The following GPC5 variants were observed in gnomAD, a reference collection of about 807,000 sequenced individuals.
The protein encoded by GPC5 is glypican 5, also known as glypican-5.
GPC5 carries 47 observed loss-of-function variants against 53.9 expected under a neutral mutation model. The observed-to-expected ratio is 0.87, with a 90% CI of 0.69 to 1.11. GPC5 has a LOEUF of 1.11. Ranked by LOEUF, GPC5 falls within the 50% of genes most tolerant of loss-of-function variation. The pLI, the probability that GPC5 is intolerant of heterozygous loss-of-function variation, is 0.00. For synonymous variants in GPC5, 286 were observed against 263.3 expected (o/e 1.09, Z -0.84); for missense variants, 748 against 713.1 (o/e 1.05, Z -0.56).
At chr13:92,192,577 T>C (rs139565201) in intron 7 of GPC5, among the ~76,000 whole-genome samples, 2 of 152,324 alleles carry the variant, frequency 1.3e-5, no homozygotes, top group African/African-American at 4.8e-5. Context: ...TTATTTTTAA[T>C]TCTAAATGTG....
At chr13:91,864,443 T>C (rs1490766820) in intron 5 of GPC5, among the ~76,000 whole-genome samples, 1 of 152,174 alleles carries the variant, frequency 6.6e-6, no homozygotes, top group Non-Finnish European at 1.5e-5. Flanking sequence ...TGGAATCTAT[T>C]GTGTGCTTTA....
At chr13:91,897,700 A>T (rs2039457660) in intron 5 of GPC5, among the ~76,000 whole-genome samples, 1 of 152,198 alleles carries the variant, frequency 6.6e-6, no homozygotes, top group Non-Finnish European at 1.5e-5. Flanking sequence ...AAAGGAAAAA[A>T]ATTCCATTAA....
chr13:92,626,700 G>T (rs1885057398), intron 7 of GPC5, among the ~76,000 whole-genome samples: 1 of 152,110 alleles, frequency 6.6e-6, no homozygotes, highest in Non-Finnish European at 1.5e-5. Flanking sequence ...TAGAAGTTCT[G>T]TCATGTAATT....
At chr13:92,334,010 A>T (rs968081171) in intron 7 of GPC5, among the ~76,000 whole-genome samples, 4 of 152,216 alleles carry the variant, frequency 2.6e-5, no homozygotes, top group Non-Finnish European at 5.9e-5. Flanking sequence ...AGAAATGGAG[A>T]ACATTAAGCA....
chr13:92,044,100 G>A (rs1594741137), intron 6 of GPC5, among the ~76,000 whole-genome samples: 1 of 150,802 alleles, frequency 6.6e-6, no homozygotes, highest in African/African-American at 2.5e-5. Flanking sequence ...AAGCTCCCCA[G>A]GTCCTGGCGT....
intron 2 of GPC5, among the ~76,000 whole-genome samples, chr13:91,585,278 C>A (rs1720609638): frequency 6.6e-6 from 1 of 152,152 alleles, no homozygotes; most frequent in African/African-American, 2.4e-5. Context: ...ACCCAGCAAT[C>A]CCACTTCTGT....
intron 7 of GPC5, among the ~76,000 whole-genome samples, chr13:92,817,589 G>T (rs572643234): frequency 1.3e-5 from 2 of 151,880 alleles, no homozygotes; most frequent in African/African-American, 4.9e-5. Context: ...AAATTAATCA[G>T]AATTATTATC....
intron 7 of GPC5, among the ~76,000 whole-genome samples, chr13:92,417,238 A>G (rs925663898): frequency 2.0e-5 from 3 of 152,258 alleles, no homozygotes; most frequent in Non-Finnish European, 2.9e-5. Context: ...CAGATGACCA[A>G]TAAACACATG....
At chr13:92,123,849 A>C (rs1456203297) in intron 6 of GPC5, among the ~76,000 whole-genome samples, 1 of 152,192 alleles carries the variant, frequency 6.6e-6, no homozygotes, top group Non-Finnish European at 1.5e-5. Context: ...ATATATTCTT[A>C]ATTTTGTATT....
intron 7 of GPC5, among the ~76,000 whole-genome samples, chr13:92,307,315 A>G (rs1217751273): frequency 2.6e-5 from 4 of 152,194 alleles, no homozygotes; most frequent in African/African-American, 7.2e-5. Context: ...TTAGCTGGGC[A>G]TGGTAGCAGG....
chr13:92,666,938 G>T (rs938366072), intron 7 of GPC5, among the ~76,000 whole-genome samples: 12 of 152,002 alleles, frequency 7.9e-5, no homozygotes, highest in African/African-American at 2.7e-4. Flanking sequence ...ACTCCTTCTC[G>T]GCATTTGGTT....
At chr13:91,594,751 T>G (rs2032927762) in intron 2 of GPC5, among the ~76,000 whole-genome samples, 1 of 152,124 alleles carries the variant, frequency 6.6e-6, no homozygotes, top group Non-Finnish European at 1.5e-5. Flanking sequence ...TGATCACACC[T>G]CACTGCAGCC....
At chr13:92,765,599 T>A (rs532762506) in intron 7 of GPC5, among the ~76,000 whole-genome samples, 328 of 152,298 alleles carry the variant, frequency 2.2e-3, no homozygotes, top group African/African-American at 7.4e-3. Flanking sequence ...GTTCTCAGCA[T>A]GTGCTGCCAG....
At chr13:91,816,506 T>C (rs1372282633) in intron 5 of GPC5, among the ~76,000 whole-genome samples, 1 of 152,178 alleles carries the variant, frequency 6.6e-6, no homozygotes, top group Non-Finnish European at 1.5e-5. Flanking sequence ...TCACCCAGCA[T>C]TGAAATCAAG....
At chr13:92,496,964 G>A (rs1433969649) in intron 7 of GPC5, among the ~76,000 whole-genome samples, 1 of 151,960 alleles carries the variant, frequency 6.6e-6, no homozygotes, top group Non-Finnish European at 1.5e-5. Flanking sequence ...GAGTGAAAGA[G>A]CATTAAAAAG....
At chr13:92,541,600 T>G (rs1282682021) in intron 7 of GPC5, among the ~76,000 whole-genome samples, 1 of 151,870 alleles carries the variant, frequency 6.6e-6, no homozygotes, top group Non-Finnish European at 1.5e-5. Context: ...AATTGTGTCT[T>G]TTAATGAACA....
At chr13:91,442,981 T>C (rs1457412940) in intron 1 of GPC5, among the ~76,000 whole-genome samples, 2 of 152,198 alleles carry the variant, frequency 1.3e-5, no homozygotes, top group African/African-American at 4.8e-5. Context: ...ATTTACTATT[T>C]TCCAAATTAA....
chr13:92,232,922 C>G (rs2139103404), intron 7 of GPC5, among the ~76,000 whole-genome samples: 1 of 152,300 alleles, frequency 6.6e-6, no homozygotes, highest in East Asian at 1.9e-4. Context: ...GAATCTTCAA[C>G]TTGACCCAAA....
At chr13:91,670,906 C>T (rs2035229583) in intron 2 of GPC5, among the ~76,000 whole-genome samples, 1 of 152,194 alleles carries the variant, frequency 6.6e-6, no homozygotes, top group Non-Finnish European at 1.5e-5. Context: ...AAACTACATA[C>T]TTCCTTTATT....
Sources: allele counts gnomAD v4.1 joint callset (sites outside exome capture counted in the v4.1 genomes callset), GRCh38; gene constraint gnomAD v4.1.1; transcripts MANE v1.5; gene names NCBI Gene and HGNC (gene_info 2026-07-23, HGNC 2026-07-21).